TNC: variants seen among roughly 807,000 people sequenced by gnomAD.
The protein encoded by TNC is tenascin C.
TNC carries 109 observed loss-of-function variants against 202.4 expected under a neutral mutation model. That is an observed-to-expected ratio of 0.54 (90% confidence interval 0.46 to 0.63). TNC has a LOEUF of 0.63. Ranked by LOEUF, TNC falls within the 30% of genes least tolerant of loss-of-function variation. TNC has a pLI of 0.00. For synonymous variants in TNC, 1,007 were observed against 1,089.7 expected, an observed-to-expected ratio of 0.92 and a Z score of 1.50; for missense variants, 2,756 against 2,833.3, an observed-to-expected ratio of 0.97 and a Z score of 0.62.
Position 115,021,077 on chromosome 9 carries a change from G to T in TNC, c.*80C>A. 1 of 1,207,464 alleles carries T rather than the reference G, an allele frequency of 8.3e-7. No individual in the cohort carries two copies. Among genetic ancestry groups the T allele is most frequent in the Non-Finnish European group, 1.2e-6 (1 of 828,048 alleles). The allele number at this position is 1,207,464 out of a possible 1,614,324, so 74.8% of individuals were successfully genotyped here. The stretch of plus-strand genomic sequence containing the variant: ...ATGCCCAGGTGTGGACCGATGGTTG[G>T]GCTGGTTGTATTGATGCTTTGGTAA... On this transcript the variant is annotated 3_prime_UTR_variant, in exon 28 of 28. Coordinates refer to ENST00000350763, the MANE Select transcript of TNC (RefSeq NM_002160.4).
chr9:115,040,821 C>CT (rs902834067), intron 19 of TNC, 120 bp downstream of exon 19: 9 of 1,326,880 alleles, frequency 6.8e-6, no homozygotes, highest in Admixed American at 2.9e-5. Flanking sequence ...TAAAACCCCC[C>CT]TTTTTTTCCA....
intron 1 of TNC, among the ~76,000 whole-genome samples, chr9:115,092,908 A>G (rs139868690): frequency 1.2e-3 from 186 of 152,158 alleles, no homozygotes; most frequent in African/African-American, 4.1e-3. Context: ...TTAGCATGTC[A>G]TTTACAAATT....
intron 20 of TNC, 89 bp downstream of exon 20, chr9:115,038,172 C>T: frequency 3.3e-6 from 5 of 1,522,342 alleles, no homozygotes; most frequent in Non-Finnish European, 4.4e-6. Context: ...CATCCTGTAC[C>T]AAATGTGGCA....
chr9:115,050,399 C>T lies in TNC; in HGVS notation c.4580-1867G>A, dbSNP rs532145562. Among the ~76,000 whole-genome samples the T allele has an allele frequency of 2.6e-5, 4 of 152,256 alleles. No homozygotes were observed. The South Asian group carries it at 8.3e-4, about 32-fold the overall frequency. On this transcript the variant is annotated intron_variant, in intron 15 of 27. Coordinates refer to ENST00000350763, the MANE Select transcript of TNC (RefSeq NM_002160.4). ...ATGTGGGAGGTCCTGCAAGCCGCTA[C>T]AAGCAATGGCCTGATGGGATCTGTG...
chr9:115,111,955 C>T (rs1837107066), intron 1 of TNC, among the ~76,000 whole-genome samples: 1 of 152,098 alleles, frequency 6.6e-6, no homozygotes, highest in Non-Finnish European at 1.5e-5. Context: ...TCATGAGAGA[C>T]CATGAGGCAG....
chr9:115,063,596 G>T (rs552489922), intron 12 of TNC, among the ~76,000 whole-genome samples, 200 bp downstream of exon 12: 56 of 152,250 alleles, frequency 3.7e-4, no homozygotes, highest in African/African-American at 1.3e-3. Flanking sequence ...GGAGGAGTAG[G>T]TGGAATTTTC....
intron 14 of TNC, among the ~76,000 whole-genome samples, chr9:115,058,575 G>A (rs1832305709): frequency 6.6e-6 from 1 of 152,142 alleles, no homozygotes; most frequent in African/African-American, 2.4e-5. Flanking sequence ...CAAATTCTAG[G>A]CATTTCAGGG....
chr9:115,033,144 T>A (rs922124853), intron 22 of TNC, among the ~76,000 whole-genome samples: 2 of 152,126 alleles, frequency 1.3e-5, no homozygotes, highest in African/African-American at 4.8e-5. Flanking sequence ...TTCCATAAAT[T>A]GTTGGAGGCA....
chr9:115,082,550 A>C, intron 5 of TNC, 142 bp downstream of exon 5: 1 of 612,640 alleles, frequency 1.6e-6, no homozygotes, highest in Non-Finnish European at 2.9e-6. Flanking sequence ...TAAAATATAG[A>C]TGCAAACACA....
At chr9:115,106,107 A>G (rs1018686778) in intron 1 of TNC, among the ~76,000 whole-genome samples, 3 of 152,176 alleles carry the variant, frequency 2.0e-5, no homozygotes, top group African/African-American at 7.2e-5. Flanking sequence ...GTGAAGCTCT[A>G]TGTTAGAGGA....
At chr9:115,085,687 C>T (rs570997803) in intron 3 of TNC, among the ~76,000 whole-genome samples, 177 bp downstream of exon 3, 4 of 152,258 alleles carry the variant, frequency 2.6e-5, no homozygotes, top group South Asian at 2.1e-4. Context: ...CTTGTAACAA[C>T]GGAATGACAG....
intron 10 of TNC, among the ~76,000 whole-genome samples, chr9:115,071,995 A>C (rs1012480295): frequency 2.0e-5 from 3 of 152,216 alleles, no homozygotes; most frequent in African/African-American, 7.2e-5. Context: ...AGTCAACAGA[A>C]TTGACCACGT....
chr9:115,099,470 A>G (rs898523257), intron 1 of TNC, among the ~76,000 whole-genome samples: 3 of 152,236 alleles, frequency 2.0e-5, no homozygotes, highest in African/African-American at 7.2e-5. Flanking sequence ...GCCACTTGCT[A>G]TTAATTTGAA....
chr9:115,098,697 T>C (rs1276713932), intron 1 of TNC, among the ~76,000 whole-genome samples: 1 of 152,200 alleles, frequency 6.6e-6, no homozygotes. Context: ...TGTTTAGAAA[T>C]GCAGATGAAT....
In TNC at chr9:115,085,889, G is replaced by T; in HGVS notation, c.1842C>A (p.Gly614=). 6.2e-7 allele frequency: 1 copy of T among 1,611,874 alleles called. No individual in the cohort carries two copies. The highest frequency in any genetic ancestry group is 1.3e-5 in the African/African-American group (1 of 75,012). ...CCTCTGAGCAGTCTTCTCCGCTGTA[G>T]CCCTCGTTGCAGATGCAGCGGCCCG... The part of the protein sequence containing the change: ...CVSGRCICNE[G]YSGEDCSEVS... Residue 614 remains glycine (G), a synonymous_variant, in exon 3 of 28, where the codon GGC becomes GGA. Coordinates refer to ENST00000350763, the MANE Select transcript of TNC (RefSeq NM_002160.4).
At chr9:115,114,543 T>C (rs992259469) in intron 1 of TNC, among the ~76,000 whole-genome samples, 13 of 152,336 alleles carry the variant, frequency 8.5e-5, no homozygotes, top group African/African-American at 2.6e-4. Context: ...AGTTGCACCA[T>C]TGAGAGCTGA....
intron 15 of TNC, among the ~76,000 whole-genome samples, chr9:115,053,371 A>G (rs1273772672): frequency 1.3e-5 from 2 of 152,224 alleles, no homozygotes; most frequent in Non-Finnish European, 2.9e-5. Context: ...TAAAGTTTGT[A>G]CTGGGGACAC....
At position 115,021,360 on chromosome 9, in the gene TNC, A is replaced by T. The variant is rs1341920722; in HGVS notation, c.6496-93T>A. Reference sequence around the variant, plus strand: ...AGGTGTTCACTGATCATTGCTATTTAGTCATTCAAACTAAATGAGTTCTGT... The same window carrying T: ...AGGTGTTCACTGATCATTGCTATTTTGTCATTCAAACTAAATGAGTTCTGT... On this transcript the variant is annotated intron_variant, in intron 27 of 27. Coordinates refer to ENST00000350763, the MANE Select transcript of TNC (RefSeq NM_002160.4). 4.8e-6 allele frequency: 4 copies of T among 827,664 alleles called. No homozygotes were observed. The Admixed American group carries it at 7.1e-5, about 15-fold the overall frequency. The allele number at this position is 827,664 out of a possible 1,614,324, so 51.3% of individuals were successfully genotyped here.
At chr9:115,083,257 C>A (rs544128242) in intron 4 of TNC, among the ~76,000 whole-genome samples, 1 of 151,994 alleles carries the variant, frequency 6.6e-6, no homozygotes, top group Non-Finnish European at 1.5e-5. Context: ...GCATGCAGAA[C>A]AAGTTGAATA....
Sources: allele counts gnomAD v4.1 joint callset (sites outside exome capture counted in the v4.1 genomes callset), GRCh38; gene constraint gnomAD v4.1.1; transcripts MANE v1.5; gene names NCBI Gene and HGNC (gene_info 2026-07-23, HGNC 2026-07-21).